The following JAKMIP3 variants were observed in gnomAD, a reference collection of about 807,000 sequenced individuals.
JAKMIP3 encodes the protein janus kinase and microtubule-interacting protein 3.
JAKMIP3 carries 58 observed loss-of-function variants against 118.5 expected under a neutral mutation model. The ratio of observed to expected loss-of-function variants is 0.49; its 90% CI spans 0.40 to 0.61. The LOEUF is 0.61. Ranked by LOEUF, JAKMIP3 falls within the 20% of genes least tolerant of loss-of-function variation. JAKMIP3 has a pLI of 0.00. For synonymous variants in JAKMIP3, 486 were observed against 451.2 expected, an observed-to-expected ratio of 1.08 and a Z score of -0.98; for missense variants, 950 against 1,109.0, an observed-to-expected ratio of 0.86 and a Z score of 2.04.
At chr10:132,134,083 A>G (rs1286472182) in intron 4 of JAKMIP3, among the ~76,000 whole-genome samples, 1 of 151,918 alleles carries the variant, frequency 6.6e-6, no homozygotes, top group Non-Finnish European at 1.5e-5. Context: ...TCTGCCGACC[A>G]CCCCGGGCTG....
chr10:132,124,104 C>T (rs960941402), intron 3 of JAKMIP3, among the ~76,000 whole-genome samples: 31 of 152,348 alleles, frequency 2.0e-4, no homozygotes, highest in Admixed American at 1.8e-3. Flanking sequence ...AGAATGGGCT[C>T]AAATCCGGAA....
intron 1 of JAKMIP3, among the ~76,000 whole-genome samples, chr10:132,050,697 G>A (rs1196332360): frequency 6.6e-6 from 1 of 152,158 alleles, no homozygotes; most frequent in Non-Finnish European, 1.5e-5. Flanking sequence ...CCCATACAAG[G>A]CACATTTTTT....
chr10:132,156,781 G>A (rs73397686), intron 19 of JAKMIP3, among the ~76,000 whole-genome samples: 3,309 of 152,292 alleles, frequency 0.022, 112 homozygotes, highest in African/African-American at 0.074. Flanking sequence ...AGGTGAAGAG[G>A]AAAAGAGCTA....
At chr10:132,136,162 T>C in intron 6 of JAKMIP3, 86 bp downstream of exon 6, 1 of 1,441,324 alleles carries the variant, frequency 6.9e-7, no homozygotes, top group Non-Finnish European at 9.5e-7. Context: ...AGATTTAGCA[T>C]GACAGCCGGT....
chr10:132,136,953 G>A lies in JAKMIP3; in HGVS notation c.1117-66G>A, dbSNP rs560764421. 120 of 1,553,746 alleles carry A rather than the reference G, an allele frequency of 7.7e-5. No homozygotes were observed. In the East Asian group the frequency reaches 2.2e-3, roughly 28 times the overall value. ...GGTTGAGGGAGAAGACCCCCCCGCCGACCCACTGTGTTCAGCCAGACCCCT... is the reference window on the plus strand; with the variant it reads ...GGTTGAGGGAGAAGACCCCCCCGCCAACCCACTGTGTTCAGCCAGACCCCT... On this transcript the variant is annotated intron_variant, in intron 6 of 23. Transcript: ENST00000684848.
intron 19 of JAKMIP3, among the ~76,000 whole-genome samples, chr10:132,157,945 G>A (rs542995340): frequency 7.3e-5 from 11 of 151,208 alleles, no homozygotes; most frequent in East Asian, 3.9e-4. Flanking sequence ...TTTCAACTTC[G>A]TACAGAAAAA....
intron 9 of JAKMIP3, among the ~76,000 whole-genome samples, chr10:132,139,372 G>T (rs1328024676): frequency 1.0e-5 from 1 of 95,726 alleles, no homozygotes; most frequent in African/African-American, 4.3e-5. Flanking sequence ...GTCTGTACGT[G>T]TGTGAGTATG....
chr10:132,164,846 T>C lies in JAKMIP3; in HGVS notation c.2490+111T>C. On this transcript the variant is annotated intron_variant, in intron 21 of 23. Coordinates refer to ENST00000684848, the MANE Select transcript of JAKMIP3 (RefSeq NM_001323087.2). The stretch of plus-strand genomic sequence containing the variant: ...AGGCCGTTGGGGCAGCAGACTTCGC[T>C]CCCAACAGCAGCGGGAAGCGGCCGC... 4 of 748,198 alleles carry C rather than the reference T, an allele frequency of 5.3e-6. No homozygotes were observed. The South Asian group carries it at 6.4e-5, about 12-fold the overall frequency. The allele number at this position is 748,198 out of a possible 1,614,324, so 46.3% of individuals were successfully genotyped here.
intron 9 of JAKMIP3, among the ~76,000 whole-genome samples, chr10:132,139,306 GAGTGTGTA>G (rs1413387240): frequency 1.5e-5 from 1 of 65,092 alleles, no homozygotes; most frequent in Non-Finnish European, 2.6e-5. Context: ...GTATGTGTGT[GAGTGTGTA>G]TGTGTATGTG....
At chr10:132,043,251 C>A (rs1295219790) in intron 1 of JAKMIP3, among the ~76,000 whole-genome samples, 2 of 152,154 alleles carry the variant, frequency 1.3e-5, no homozygotes, top group African/African-American at 4.8e-5. Flanking sequence ...GTCACCCAGG[C>A]TGGAGTGTAG....
intron 21 of JAKMIP3, among the ~76,000 whole-genome samples, chr10:132,165,317 A>G (rs988338593): frequency 1.1e-4 from 17 of 152,160 alleles, no homozygotes; most frequent in Admixed American, 3.9e-4. Flanking sequence ...AGGGGAGCAC[A>G]GCAGAGTCTC....
intron 1 of JAKMIP3, among the ~76,000 whole-genome samples, chr10:132,081,444 A>G (rs963143561): frequency 1.3e-5 from 2 of 152,196 alleles, no homozygotes; most frequent in African/African-American, 2.4e-5. Context: ...GAGAAAAAAG[A>G]CTGCCTTTGC....
At position 132,168,702 on chromosome 10, in the gene JAKMIP3, A is replaced by C. The variant is rs993238575; in HGVS notation, c.*772A>C. On this transcript the variant is annotated 3_prime_UTR_variant, in exon 23 of 24. Coordinates refer to ENST00000684848, the MANE Select transcript of JAKMIP3 (RefSeq NM_001323087.2). ...GCCAGCTGGGAGCACCGCGGGACTG[A>C]GCCAAGGAAGGCGTGGGGAGCGTGG... 3.4e-6 allele frequency: 1 copy of C among 290,492 alleles called. No individual in the cohort carries two copies. The highest frequency in any genetic ancestry group is 6.7e-6 in the Non-Finnish European group (1 of 149,566). 18.0% of individuals were successfully genotyped at this position (290,492 alleles called of 1,614,324 possible).
chr10:132,147,890 C>T (rs938508325), intron 13 of JAKMIP3, 62 bp from the exon 14 acceptor site: 64 of 1,250,824 alleles, frequency 5.1e-5, no homozygotes, highest in Non-Finnish European at 7.0e-5. Context: ...TGGAGTTGAC[C>T]TCCCAAGACC....
chr10:132,103,466 G>A (rs2045396573), intron 1 of JAKMIP3, among the ~76,000 whole-genome samples: 1 of 84,350 alleles, frequency 1.2e-5, no homozygotes, highest in African/African-American at 6.6e-5. Context: ...GGGGGGGGAG[G>A]AGCAGCTGGA....
At position 132,046,476 on chromosome 10, in the gene JAKMIP3, C is replaced by A. The variant is rs547959041; in HGVS notation, c.-138+9738C>A. On this transcript the variant is annotated intron_variant, in intron 1 of 23. Transcript: ENST00000657785. ...GTCTCAAAAAGAAAAAAAAAACAACCATCCAGGGCGTCCACTTTGCACCTG... is the reference window on the plus strand; with the variant it reads ...GTCTCAAAAAGAAAAAAAAAACAACAATCCAGGGCGTCCACTTTGCACCTG... 3.9e-4 allele frequency among the ~76,000 whole-genome samples: 57 copies of A among 148,044 alleles called. 1 individual carries two copies. In the South Asian group the frequency reaches 0.012, roughly 30 times the overall value.
chr10:132,179,539 C>T lies in JAKMIP3; in HGVS notation c.*1104-2818C>T, dbSNP rs748202853. Among the ~76,000 whole-genome samples the T allele has an allele frequency of 4.6e-4, 70 of 152,254 alleles. No individual in the cohort carries two copies. Among genetic ancestry groups the T allele is most frequent in the Admixed American group, 7.8e-4 (12 of 15,294 alleles). On this transcript the variant is annotated intron_variant, in intron 23 of 23. Coordinates refer to ENST00000684848, the MANE Select transcript of JAKMIP3 (RefSeq NM_001323087.2). This position sits in a 1 kb window ranked among gnomAD's most constrained non-coding sequence, Gnocchi z 4.3. ...CATTTGCCACGTGAATGGCCAAGTACGTAAAAGAATGCGCTCCCTGAAGGC... is the reference window on the plus strand; with the variant it reads ...CATTTGCCACGTGAATGGCCAAGTATGTAAAAGAATGCGCTCCCTGAAGGC...
chr10:132,129,671 G>A (rs1048246881), intron 3 of JAKMIP3, among the ~76,000 whole-genome samples: 9 of 152,306 alleles, frequency 5.9e-5, no homozygotes, highest in Middle Eastern at 3.4e-3. Context: ...CAGGCTCAGG[G>A]ATCTGCCTGT....
At chr10:132,176,144 G>C (rs899207148) in intron 23 of JAKMIP3, among the ~76,000 whole-genome samples, 1 of 152,200 alleles carries the variant, frequency 6.6e-6, no homozygotes, top group Admixed American at 6.5e-5. Flanking sequence ...GCACCTGCCC[G>C]TTAAGGCAGC....
Sources: gnomAD v4.1 joint callset for allele counts (sites outside exome capture counted in the v4.1 genomes callset) on GRCh38, gnomAD v4.1.1 for gene constraint, Gnocchi (gnomAD v3.1) non-coding constraint, MANE v1.5 for transcripts, NCBI Gene and HGNC (gene_info 2026-07-23, HGNC 2026-07-21) for gene names.